HIRA: variants seen among roughly 807,000 people sequenced by gnomAD.
HIRA encodes the protein histone cell cycle regulator.
HIRA carries 13 observed loss-of-function variants against 126.6 expected under a neutral mutation model. The observed-to-expected ratio is 0.10, with a 90% CI of 0.07 to 0.16. The LOEUF (loss-of-function observed/expected upper bound fraction) is 0.16. Ranked by LOEUF, HIRA falls within the 10% of genes least tolerant of loss-of-function variation. The probability of loss-of-function intolerance (pLI) is 1.00; values close to 1 mark genes in which losing one functional copy is unlikely to be tolerated. For synonymous variants in HIRA, 511 were observed against 520.0 expected, an observed-to-expected ratio of 0.98 and a Z score of 0.24; for missense variants, 834 against 1,314.4, an observed-to-expected ratio of 0.63 and a Z score of 5.65.
chr22:19,383,359 G>A (rs947140915), intron 13 of HIRA, among the ~76,000 whole-genome samples: 1 of 152,110 alleles, frequency 6.6e-6, no homozygotes, highest in Non-Finnish European at 1.5e-5. Context: ...GTCCTCTGGT[G>A]CCCTGGCAAC....
At chr22:19,419,758 A>G (rs1260908026) in intron 1 of HIRA, among the ~76,000 whole-genome samples, 2 of 152,206 alleles carry the variant, frequency 1.3e-5, no homozygotes, top group African/African-American at 4.8e-5. Context: ...TGACAGAAGC[A>G]CTACATTCAA....
At position 19,355,755 on chromosome 22, in the gene HIRA, C is replaced by G; in HGVS notation, c.2561+5G>C. The G allele has an allele frequency of 6.2e-7, 1 of 1,605,064 alleles. No individual in the cohort carries two copies. The highest frequency in any genetic ancestry group is 8.5e-7 in the Non-Finnish European group (1 of 1,171,966). ...GGGAATAGGACTGGGGGTCAGCTTG[C>G]TTACCATGTGGAAAGTGACGGATTA... is the stretch of plus-strand genomic sequence containing the variant. On this transcript the variant is annotated splice_donor_5th_base_variant and intron_variant, in intron 21 of 24. Transcript: ENST00000263208.
At chr22:19,410,602 G>A (rs1241350980) in intron 2 of HIRA, 114 bp downstream of exon 2, 10 of 758,606 alleles carry the variant, frequency 1.3e-5, no homozygotes, top group Middle Eastern at 2.4e-4. Flanking sequence ...TTTAAACAGC[G>A]TTGCATCCAT....
At chr22:19,379,898 T>C (rs1046077259) in intron 13 of HIRA, among the ~76,000 whole-genome samples, 21 of 152,026 alleles carry the variant, frequency 1.4e-4, no homozygotes, top group Non-Finnish European at 2.9e-5. Context: ...AACCTCTGCC[T>C]CCTGGGTTCA....
intron 13 of HIRA, among the ~76,000 whole-genome samples, chr22:19,379,096 C>T (rs549654460): frequency 6.6e-5 from 10 of 151,326 alleles, no homozygotes; most frequent in East Asian, 2.0e-4. Flanking sequence ...GGCGCGATCT[C>T]GCCTCACTGC....
At chr22:19,349,489 G>A (rs1394453538) in intron 24 of HIRA, among the ~76,000 whole-genome samples, 2 of 152,166 alleles carry the variant, frequency 1.3e-5, no homozygotes, top group South Asian at 2.1e-4. Context: ...TAGGAAAACC[G>A]AAGAAAATCA....
chr22:19,345,909 A>C (rs889394879), intron 24 of HIRA, among the ~76,000 whole-genome samples: 5 of 152,242 alleles, frequency 3.3e-5, no homozygotes, highest in African/African-American at 1.2e-4. Context: ...AAGTTGAAAG[A>C]AATCTGAACC....
intron 15 of HIRA, 30 bp downstream of exon 15, chr22:19,375,601 G>A: frequency 1.2e-6 from 2 of 1,611,186 alleles, no homozygotes; most frequent in Non-Finnish European, 1.7e-6. Context: ...ACCCTGCCTG[G>A]TCCTTCAGGG....
At chr22:19,422,167 T>TACACACACACACAC (rs1414193157) in intron 1 of HIRA, among the ~76,000 whole-genome samples, 132 of 56,224 alleles carry the variant, frequency 2.3e-3, no homozygotes, top group Middle Eastern at 0.012. Context: ...AATGTGTTTA[T>TACACACACACACAC]ATATACACAC....
chr22:19,342,242 A>G (rs1556007704), intron 24 of HIRA, among the ~76,000 whole-genome samples: 2 of 152,192 alleles, frequency 1.3e-5, no homozygotes, highest in African/African-American at 4.8e-5. Context: ...GCAAATCAAA[A>G]CCACAATGAC....
At chr22:19,331,796 T>A (rs2146499245) in intron 24 of HIRA, among the ~76,000 whole-genome samples, 1 of 152,296 alleles carries the variant, frequency 6.6e-6, no homozygotes, top group Non-Finnish European at 1.5e-5. Context: ...GGTCTGCTCC[T>A]CCATCCGTGG....
chr22:19,399,756 C>T (rs892070385), intron 5 of HIRA, among the ~76,000 whole-genome samples: 14 of 152,190 alleles, frequency 9.2e-5, no homozygotes, highest in East Asian at 5.8e-4. Flanking sequence ...TTTCCCCTTC[C>T]GACTTATTTA....
Position 19,431,689 on chromosome 22 carries a change from G to A in HIRA, c.-213C>T. ...CTCGGCCGCCGCCGCCGCCACCACA[G>A]CCGCATCCCCTGCGCCGCTCCTCCT... On this transcript the variant is annotated 5_prime_UTR_variant, in exon 1 of 25. Transcript: ENST00000263208. 2 of 393,704 alleles carry A rather than the reference G, an allele frequency of 5.1e-6. No individual in the cohort carries two copies. Among genetic ancestry groups the A allele is most frequent in the Non-Finnish European group, 8.2e-6 (2 of 245,294 alleles). The allele number at this position is 393,704 out of a possible 1,614,324, so 24.4% of individuals were successfully genotyped here.
chr22:19,372,571 AT>A (rs200950966), intron 15 of HIRA, among the ~76,000 whole-genome samples: 18,104 of 136,006 alleles, frequency 0.13, 2,058 homozygotes, highest in African/African-American at 0.33. Context: ...AAAGCTTTTA[AT>A]TTTTTTTTTT....
chr22:19,365,121 G>T (rs897643606), intron 15 of HIRA, among the ~76,000 whole-genome samples: 3 of 152,240 alleles, frequency 2.0e-5, no homozygotes, highest in African/African-American at 7.2e-5. Context: ...AGCTGGAGAA[G>T]AAAGTCTGAA....
chr22:19,356,519 C>T (rs1021729077), intron 19 of HIRA, among the ~76,000 whole-genome samples: 4 of 152,204 alleles, frequency 2.6e-5, no homozygotes, highest in South Asian at 2.1e-4. Flanking sequence ...GAACCCTCAG[C>T]GCCCACACCA....
At chr22:19,415,728 G>A (rs528678219) in intron 1 of HIRA, among the ~76,000 whole-genome samples, 12 of 152,114 alleles carry the variant, frequency 7.9e-5, no homozygotes, top group Non-Finnish European at 1.8e-4. Flanking sequence ...GGTGGAGGTT[G>A]CAGTGAGCCA....
chr22:19,384,586 T>C (rs16983689), intron 12 of HIRA, among the ~76,000 whole-genome samples: 3,086 of 151,718 alleles, frequency 0.02, 115 homozygotes, highest in African/African-American at 0.07. Flanking sequence ...ATGGGACCAA[T>C]GAAAGGGCTA....
At position 19,356,606 on chromosome 22, in the gene HIRA, G is replaced by T. The variant is rs536053642; in HGVS notation, c.2396+284C>A. Among the ~76,000 whole-genome samples, 70 of 152,346 alleles carry T rather than the reference G, an allele frequency of 4.6e-4. 1 individual carries two copies. In the South Asian group the frequency reaches 0.014, roughly 32 times the overall value. On this transcript the variant is annotated intron_variant, in intron 19 of 24. Coordinates refer to ENST00000263208, the MANE Select transcript of HIRA (RefSeq NM_003325.4). The stretch of plus-strand genomic sequence containing the variant: ...TGCCAGCTAAGACTCCATTTCTGAT[G>T]AATCTTGCATAGGACCCTGGCAGTG...
Sources: allele counts gnomAD v4.1 joint callset (sites outside exome capture counted in the v4.1 genomes callset), GRCh38; gene constraint gnomAD v4.1.1; transcripts MANE v1.5; gene names NCBI Gene and HGNC (gene_info 2026-07-23, HGNC 2026-07-21).